Variants in OR51B5 observed in about 807,000 individuals in gnomAD.
The protein encoded by OR51B5 is olfactory receptor family 51 subfamily B member 5.
For synonymous variants in OR51B5, 186 were observed against 144.8 expected, an observed-to-expected ratio of 1.28 and a Z score of -2.04; for missense variants, 456 against 374.6, an observed-to-expected ratio of 1.22 and a Z score of -1.79.
At chr11:5,440,851 A>G in intron 1 of OR51B5, 1 of 1,613,866 alleles carries the variant, frequency 6.2e-7, no homozygotes, top group Middle Eastern at 1.7e-4. Flanking sequence ...CTCAGGATCA[A>G]TGCGTAGGAA....
chr11:5,499,911 G>T (rs150649588), intron 1 of OR51B5, among the ~76,000 whole-genome samples: 1 of 152,126 alleles, frequency 6.6e-6, no homozygotes, highest in African/African-American at 2.4e-5. Flanking sequence ...TAGGACTCCC[G>T]TGGTCCTGAT....
intron 1 of OR51B5, among the ~76,000 whole-genome samples, chr11:5,478,549 G>A (rs544025583): frequency 0.033 from 4,976 of 150,284 alleles, 258 homozygotes; most frequent in African/African-American, 0.11. Flanking sequence ...GGCTTCAGAC[G>A]ATCAAATTAC....
exon 1 of OR51B5, chr11:5,505,592 T>TA (rs1364622536): frequency 5.2e-6 from 4 of 767,760 alleles, no homozygotes; most frequent in Non-Finnish European, 3.5e-6. Context: ...TGGGGAGGCC[T>TA]CACAACCATG....
chr11:5,351,561 G>T, intron 1 of OR51B5: 2 of 1,613,998 alleles, frequency 1.2e-6, no homozygotes, highest in Non-Finnish European at 8.5e-7. Flanking sequence ...TCCCAGGCAT[G>T]GAGAAGGCAC....
rs1005868736 is a variant in OR51B5 at position 5,377,158 on chromosome 11, A to G, written n.85-30248T>C. Among the ~76,000 whole-genome samples the G allele has an allele frequency of 1.2e-4, 19 of 152,282 alleles. 1 individual carries two copies. The highest frequency in any genetic ancestry group is 1.2e-3 in the Admixed American group (19 of 15,296). ...CTGGGATGCAAGGCTGGTTCAATAT[A>G]TGCAAATCAATAAATGTAATCCAGC... On this transcript the variant is annotated intron_variant and non_coding_transcript_variant, in intron 1 of 4. Coordinates refer to the OR51B5 transcript ENST00000415970.
At chr11:5,418,010 C>G (rs940718332) in intron 1 of OR51B5, among the ~76,000 whole-genome samples, 8 of 87,886 alleles carry the variant, frequency 9.1e-5, no homozygotes, top group African/African-American at 2.7e-4. Context: ...GGAACCAACC[C>G]AAATGTCCAA....
intron 1 of OR51B5, among the ~76,000 whole-genome samples, chr11:5,477,574 T>C (rs1236365861): frequency 6.6e-6 from 1 of 152,034 alleles, no homozygotes; most frequent in African/African-American, 2.4e-5. Context: ...AGAAGACGGG[T>C]GATTTCTGCA....
chr11:5,453,216 A>C (rs1475284319), intron 1 of OR51B5: 2 of 286,416 alleles, frequency 7.0e-6, no homozygotes, highest in African/African-American at 4.3e-5. Flanking sequence ...ACTAATTTCT[A>C]TTATTGAAGT....
chr11:5,487,085 G>A (rs1431419627), intron 1 of OR51B5, among the ~76,000 whole-genome samples: 1 of 152,042 alleles, frequency 6.6e-6, no homozygotes, highest in Non-Finnish European at 1.5e-5. Context: ...AGTAGGGTGA[G>A]GCAAAAACGC....
At chr11:5,364,611 T>C (rs376945306) in intron 1 of OR51B5, among the ~76,000 whole-genome samples, 2 of 152,184 alleles carry the variant, frequency 1.3e-5, no homozygotes, top group East Asian at 1.9e-4. Flanking sequence ...GAGGTATTTA[T>C]GTGTCTCTCT....
chr11:5,345,803 A>G (rs1848980803), upstream of OR51B5: 6 of 152,180 alleles, frequency 3.9e-5, no homozygotes, highest in South Asian at 1.2e-3. Context: ...ATCTAACTGT[A>G]ATAGTTTCAG....
chr11:5,352,424 C>G (rs371781070), intron 1 of OR51B5: 3 of 1,595,964 alleles, frequency 1.9e-6, no homozygotes, highest in African/African-American at 2.7e-5. Flanking sequence ...CGTTTATTCT[C>G]TCTGCCTCAC....
chr11:5,473,519 G>A (rs1851260264), intron 1 of OR51B5, among the ~76,000 whole-genome samples: 1 of 152,118 alleles, frequency 6.6e-6, no homozygotes, highest in African/African-American at 2.4e-5. Context: ...ATTTATCTTG[G>A]CTGAAGAGTT....
At chr11:5,479,506 T>A (rs1228760168) in intron 1 of OR51B5, among the ~76,000 whole-genome samples, 1 of 149,284 alleles carries the variant, frequency 6.7e-6, no homozygotes, top group Non-Finnish European at 1.5e-5. Flanking sequence ...AATTCACACA[T>A]AACAATATTA....
chr11:5,492,961 C>G (rs1851601061), intron 1 of OR51B5, among the ~76,000 whole-genome samples: 1 of 152,144 alleles, frequency 6.6e-6, no homozygotes, highest in South Asian at 2.1e-4. Context: ...TTGCTTTAAA[C>G]AGCAACAGAA....
chr11:5,397,959 C>T (rs1174733060), intron 1 of OR51B5, among the ~76,000 whole-genome samples: 2 of 152,004 alleles, frequency 1.3e-5, no homozygotes, highest in African/African-American at 2.4e-5. Flanking sequence ...GGACAAAAAG[C>T]CAAACACCAC....
At chr11:5,383,743 C>A (rs1473770417) in intron 1 of OR51B5, 1 of 152,090 alleles carries the variant, frequency 6.6e-6, no homozygotes, top group Non-Finnish European at 1.5e-5. Flanking sequence ...CCCTGGGGAC[C>A]CTTTGTTTAC....
chr11:5,342,400 T>C (rs1486767619), downstream of OR51B5: 1 of 265,072 alleles, frequency 3.8e-6, no homozygotes, highest in African/African-American at 2.3e-5. Context: ...GCAACAAAAA[T>C]TTGTACAAAC....
At chr11:5,425,122 C>T (rs905439833) in intron 1 of OR51B5, among the ~76,000 whole-genome samples, 1 of 151,320 alleles carries the variant, frequency 6.6e-6, no homozygotes, top group Non-Finnish European at 1.5e-5. Flanking sequence ...CATGGGTCTG[C>T]TGGCGTAAAT....
Sources: allele counts gnomAD v4.1 joint callset (sites outside exome capture counted in the v4.1 genomes callset), GRCh38; gene constraint gnomAD v4.1.1; transcripts MANE v1.5; gene names NCBI Gene and HGNC (gene_info 2026-07-23, HGNC 2026-07-21).